The following MALRD1 variants were observed in gnomAD, a reference collection of about 807,000 sequenced individuals.
MALRD1 encodes the protein MAM and LDL receptor class A domain containing 1, also known as MAM and LDL-receptor class A domain-containing protein 1.
Under a neutral mutation model 242.1 loss-of-function variants are expected in MALRD1, and 247 were observed. The ratio of observed to expected loss-of-function variants is 1.02; its 90% confidence interval spans 0.92 to 1.13. MALRD1 has a LOEUF of 1.13. MALRD1 is among the 50% of genes most tolerant of loss of function. The pLI is 0.00. For synonymous variants in MALRD1, 995 were observed against 866.6 expected (o/e 1.15, Z -2.60); for missense variants, 2,989 against 2,533.1 (o/e 1.18, Z -3.86).
intron 28 of MALRD1, among the ~76,000 whole-genome samples, chr10:19,435,660 A>T (rs145670039): frequency 3.6e-4 from 55 of 152,296 alleles, no homozygotes; most frequent in African/African-American, 1.3e-3. Context: ...CGTAGTATCA[A>T]AATGCAAGGT....
chr10:19,228,770 G>A (rs1588729660), intron 18 of MALRD1, among the ~76,000 whole-genome samples: 1 of 152,014 alleles, frequency 6.6e-6, no homozygotes, highest in Admixed American at 6.6e-5. Flanking sequence ...AAAAATCTCA[G>A]CATGCTTTTA....
At chr10:19,271,023 A>G (rs967156875) in intron 19 of MALRD1, among the ~76,000 whole-genome samples, 1 of 152,196 alleles carries the variant, frequency 6.6e-6, no homozygotes, top group Non-Finnish European at 1.5e-5. Flanking sequence ...TGCATGTTGA[A>G]TGTTTATATA....
chr10:19,163,503 G>T (rs967059364), intron 12 of MALRD1, among the ~76,000 whole-genome samples: 12 of 151,506 alleles, frequency 7.9e-5, no homozygotes, highest in Non-Finnish European at 1.5e-4. Context: ...GTCTACTTTA[G>T]GGGGGAGGGT....
intron 29 of MALRD1, among the ~76,000 whole-genome samples, chr10:19,483,283 A>G (rs1182560351): frequency 1.3e-5 from 2 of 152,088 alleles, no homozygotes; most frequent in African/African-American, 2.4e-5. Flanking sequence ...CTCAAAAGCA[A>G]TTGCAACAAA....
chr10:19,207,895 T>A (rs987750535), intron 17 of MALRD1, among the ~76,000 whole-genome samples: 10 of 152,184 alleles, frequency 6.6e-5, no homozygotes, highest in Admixed American at 5.2e-4. Flanking sequence ...ACCGTAACTC[T>A]TGCACTTTGG....
chr10:19,355,568 A>G (rs1281279049), intron 26 of MALRD1, among the ~76,000 whole-genome samples: 1 of 151,422 alleles, frequency 6.6e-6, no homozygotes, highest in Non-Finnish European at 1.5e-5. Flanking sequence ...TTGAGACGAG[A>G]TACTGCAATA....
chr10:19,343,372 G>A (rs1321805695), intron 24 of MALRD1, among the ~76,000 whole-genome samples: 4 of 151,942 alleles, frequency 2.6e-5, no homozygotes, highest in African/African-American at 7.2e-5. Context: ...AACTAATATT[G>A]TCTCAATGTT....
At chr10:19,247,284 T>A (rs990528633) in intron 18 of MALRD1, among the ~76,000 whole-genome samples, 1 of 152,016 alleles carries the variant, frequency 6.6e-6, no homozygotes, top group Non-Finnish European at 1.5e-5. Context: ...CTCAACATGT[T>A]CAAAAATTAA....
In MALRD1 at chr10:19,076,836, G is replaced by T. The variant is rs914827656; in HGVS notation, c.340+9977G>T. ...TTTGCAAATTTCTGCAAAAATGGTG[G>T]TTGGAATTTTGAGAGGAATTGCATT... On this transcript the variant is annotated intron_variant, in intron 2 of 39. Transcript: ENST00000454679. 2.6e-5 allele frequency among the ~76,000 whole-genome samples: 4 copies of T among 151,962 alleles called. No individual in the cohort carries two copies. The South Asian group carries it at 6.2e-4, about 24-fold the overall frequency.
intron 21 of MALRD1, among the ~76,000 whole-genome samples, chr10:19,301,531 C>G (rs985973831): frequency 4.0e-5 from 6 of 151,818 alleles, no homozygotes; most frequent in Non-Finnish European, 8.8e-5. Flanking sequence ...ACTATGCAGC[C>G]ATAGAGAAGA....
At chr10:19,150,686 G>A (rs1833917805) in intron 11 of MALRD1, among the ~76,000 whole-genome samples, 1 of 152,070 alleles carries the variant, frequency 6.6e-6, no homozygotes, top group Non-Finnish European at 1.5e-5. Flanking sequence ...CATTCCCATT[G>A]TCCTATATTT....
chr10:19,583,835 C>G (rs946947781), intron 33 of MALRD1, among the ~76,000 whole-genome samples: 3 of 152,068 alleles, frequency 2.0e-5, no homozygotes, highest in Non-Finnish European at 4.4e-5. Context: ...TAGAATTTGG[C>G]TGTGAATCCA....
intron 36 of MALRD1, among the ~76,000 whole-genome samples, chr10:19,675,639 T>C (rs1842106567): frequency 6.6e-6 from 1 of 152,232 alleles, no homozygotes; most frequent in Admixed American, 6.5e-5. Context: ...TTATTTTAAT[T>C]ATTAAATGAG....
intron 1 of MALRD1, chr10:19,052,202 A>T (rs1834528666): frequency 9.1e-6 from 3 of 328,490 alleles, no homozygotes; most frequent in Middle Eastern, 1.1e-3. Flanking sequence ...AATCAAAAAG[A>T]AAAACCACAG....
intron 20 of MALRD1, among the ~76,000 whole-genome samples, chr10:19,282,104 A>G (rs1191551028): frequency 7.8e-6 from 1 of 128,612 alleles, no homozygotes; most frequent in African/African-American, 3.1e-5. Flanking sequence ...CTTGCTTGAC[A>G]TGTTATATTT....
chr10:19,141,375 T>TGAGGG (rs1833536766), intron 10 of MALRD1, among the ~76,000 whole-genome samples: 1 of 152,066 alleles, frequency 6.6e-6, no homozygotes, highest in East Asian at 1.9e-4. Flanking sequence ...TCCCAGGGTT[T>TGAGGG]GAGGGGAGGG....
chr10:19,217,259 T>C (rs1837359805), intron 18 of MALRD1, among the ~76,000 whole-genome samples: 1 of 152,194 alleles, frequency 6.6e-6, no homozygotes, highest in Non-Finnish European at 1.5e-5. Flanking sequence ...CATGTTTCTG[T>C]GTGCCTCTCA....
intron 24 of MALRD1, among the ~76,000 whole-genome samples, chr10:19,345,940 A>T (rs1844101019): frequency 6.6e-6 from 1 of 151,954 alleles, no homozygotes; most frequent in Admixed American, 6.6e-5. Flanking sequence ...TTCTTTTTTA[A>T]TTTTTAAAAT....
intron 26 of MALRD1, among the ~76,000 whole-genome samples, chr10:19,378,722 A>C (rs926041981): frequency 1.3e-5 from 2 of 152,066 alleles, no homozygotes; most frequent in Non-Finnish European, 2.9e-5. Context: ...TTTATTGGCT[A>C]ATTTAGTACA....
Sources: allele counts gnomAD v4.1 joint callset (sites outside exome capture counted in the v4.1 genomes callset), GRCh38; gene constraint gnomAD v4.1.1; transcripts MANE v1.5; gene names NCBI Gene and HGNC (gene_info 2026-07-23, HGNC 2026-07-21).